MYPOP: variants seen among roughly 807,000 people sequenced by gnomAD.
MYPOP encodes the protein Myb related transcription factor, partner of profilin.
Under a neutral mutation model 25.7 loss-of-function variants are expected in MYPOP, and 21 were observed. The observed-to-expected ratio is 0.82, with a 90% CI of 0.58 to 1.18. The LOEUF (loss-of-function observed/expected upper bound fraction) is 1.18. Among genes scored for constraint, MYPOP ranks in the 50% most tolerant of loss-of-function variants. The pLI is 0.00. For synonymous variants in MYPOP, 280 were observed against 247.9 expected (o/e 1.13, Z -1.22); for missense variants, 566 against 588.3 (o/e 0.96, Z 0.39).
rs1316072804 is a variant in MYPOP at position 45,890,514 on chromosome 19, C to T, written c.*109G>A. 2 of 1,514,702 alleles carry T rather than the reference C, an allele frequency of 1.3e-6. No individual in the cohort carries two copies. Among genetic ancestry groups the T allele is most frequent in the Admixed American group, 2.0e-5 (1 of 50,578 alleles). The allele number at this position is 1,514,702 out of a possible 1,614,324, so 93.8% of individuals were successfully genotyped here. ...TAGCACAGGGAGTGGGTGCTCACAT[C>T]CCTGGAGCAGGGAGCTAGGGTGCAG... On this transcript the variant is annotated 3_prime_UTR_variant, in exon 3 of 3. Transcript: ENST00000322217.
intron 2 of MYPOP, among the ~76,000 whole-genome samples, chr19:45,898,612 C>T (rs541618549): frequency 2.0e-5 from 3 of 152,218 alleles, no homozygotes; most frequent in East Asian, 3.9e-4. Flanking sequence ...CGTGAGCCAC[C>T]GTGCCTGGCC....
intron 2 of MYPOP, among the ~76,000 whole-genome samples, chr19:45,896,407 G>A (rs938251637): frequency 3.9e-5 from 6 of 152,128 alleles, no homozygotes; most frequent in South Asian, 2.1e-4. Context: ...TGAGTAGAGC[G>A]GACAGTGACA....
chr19:45,891,826 A>T (rs1967130941), intron 2 of MYPOP, among the ~76,000 whole-genome samples: 1 of 152,144 alleles, frequency 6.6e-6, no homozygotes, highest in Admixed American at 6.5e-5. Flanking sequence ...GAGGAGAAAA[A>T]GTCCTGCCAG....
chr19:45,899,852 CA>C (rs963166507), intron 2 of MYPOP, among the ~76,000 whole-genome samples: 1 of 151,970 alleles, frequency 6.6e-6, no homozygotes, highest in African/African-American at 2.4e-5. Context: ...AAACAAAAAA[CA>C]AAACAAAAAA....
Position 45,890,692 on chromosome 19 carries a change from GTCGTGCGGAGGGAGC to G in MYPOP, c.1116_1130del (p.Leu373_Asp377del). The stretch of plus-strand genomic sequence containing the variant: ...CTTTTCTCCGCTTGTGTGGGGGGGA[GTCGTGCGGAGGGAGC>G]GGGGCTGGGGGGGGCCGGGGTGCCC... On this transcript the variant is annotated inframe_deletion, in exon 3 of 3. Transcript: ENST00000322217. 6.3e-7 allele frequency: 1 copy of G among 1,585,246 alleles called. No homozygotes were observed. The highest frequency in any genetic ancestry group is 1.1e-5 in the South Asian group (1 of 90,002).
intron 2 of MYPOP, among the ~76,000 whole-genome samples, 177 bp from the exon 3 acceptor site, chr19:45,891,500 A>T (rs1422664033): frequency 6.8e-6 from 1 of 146,216 alleles, no homozygotes. Flanking sequence ...GCAGTGGTGC[A>T]ATCTTGGCTC....
rs1568641431 is a variant in MYPOP at position 45,891,186 on chromosome 19, G to C, written c.637C>G (p.Leu213Val). 6.5e-7 allele frequency: 1 copy of C among 1,527,818 alleles called. No homozygotes were observed. Among genetic ancestry groups the C allele is most frequent in the Non-Finnish European group, 8.8e-7 (1 of 1,142,046 alleles). 94.6% of individuals were successfully genotyped at this position (1,527,818 alleles called of 1,614,324 possible). ...GGTGGAGACAAGGCCAGGCGAGGCA[G>C]CTGGACCGGCTGCAGGGCCGAAGGG... is the stretch of plus-strand genomic sequence containing the variant. ...PPPSALQPVQ[L>V]PRLALSPPPP... The change falls in exon 3 of 3, where the codon CTG becomes GTG. Residue 213 changes from leucine (L) to valine (V), a missense_variant. By Grantham distance (32) the Leu-to-Val change is conservative (BLOSUM62 1). Coordinates refer to ENST00000322217, the MANE Select transcript of MYPOP (RefSeq NM_001012643.4).
At chr19:45,898,788 T>G (rs924936991) in intron 2 of MYPOP, among the ~76,000 whole-genome samples, 1 of 152,142 alleles carries the variant, frequency 6.6e-6, no homozygotes, top group Non-Finnish European at 1.5e-5. Context: ...AGAGAAGCCC[T>G]CCCTGATTAC....
rs371718105 is a variant in MYPOP, at chr19:45,890,576, G to A, written c.*47C>T. ...AGAGAGCATCGCCCCCCTCGACTGC[G>A]CCAAGCTGGGGAGAGGGGTTGCAGG... On this transcript the variant is annotated 3_prime_UTR_variant, in exon 3 of 3. Transcript: ENST00000322217. 48 of 1,600,566 alleles carry A rather than the reference G, an allele frequency of 3.0e-5. No homozygotes were observed. The highest frequency in any genetic ancestry group is 1.7e-4 in the South Asian group (15 of 89,730).
At chr19:45,891,728 G>A (rs1967129495) in intron 2 of MYPOP, among the ~76,000 whole-genome samples, 2 of 151,588 alleles carry the variant, frequency 1.3e-5, no homozygotes, top group African/African-American at 4.9e-5. Context: ...GTGAGCCACC[G>A]CGCCTGGCCC....
At position 45,901,349 on chromosome 19, in the gene MYPOP, G is replaced by T; in HGVS notation, c.425C>A (p.Ser142Ter). ...GAEEPPAAPS[S>*]QPPPPSACPQ... ...GCAGGCGCTTGGGGGCGGCGGCTGTGAAGAGGGGGCCGCAGGGGGCTCCTC... is the reference window on the plus strand; with the variant it reads ...GCAGGCGCTTGGGGGCGGCGGCTGTTAAGAGGGGGCCGCAGGGGGCTCCTC... Residue 142 changes from serine to a stop codon, truncating the protein, a stop_gained, in exon 2 of 3, where the codon TCA becomes TAA. Transcript: ENST00000322217. LOFTEE classifies it high-confidence loss of function. The surrounding 1 kb of genome is among the most constrained non-coding windows in gnomAD (Gnocchi z 5.7). 6.8e-7 allele frequency: 1 copy of T among 1,463,730 alleles called. No individual in the cohort carries two copies. Among genetic ancestry groups the T allele is most frequent in the Non-Finnish European group, 9.0e-7 (1 of 1,109,002 alleles). 90.7% of individuals were successfully genotyped at this position (1,463,730 alleles called of 1,614,324 possible).
In MYPOP at chr19:45,890,405, G is replaced by T; in HGVS notation, c.*218C>A. Reference sequence around the variant, plus strand: ...GGCTTAGAAGTCAGGGTTAAGGGAGGCAGCCAGGCAGACAGCACTGTACCA... The same window carrying T: ...GGCTTAGAAGTCAGGGTTAAGGGAGTCAGCCAGGCAGACAGCACTGTACCA... On this transcript the variant is annotated 3_prime_UTR_variant, in exon 3 of 3. Coordinates refer to ENST00000322217, the MANE Select transcript of MYPOP (RefSeq NM_001012643.4). 1 of 604,146 alleles carries T rather than the reference G, an allele frequency of 1.7e-6. No individual in the cohort carries two copies. Among genetic ancestry groups the T allele is most frequent in the Non-Finnish European group, 2.6e-6 (1 of 377,858 alleles). 37.4% of individuals were successfully genotyped at this position (604,146 alleles called of 1,614,324 possible). A position where few individuals can be genotyped will look rare whatever the true frequency, so the allele number is the denominator to read the frequency against.
chr19:45,897,003 G>A (rs760850899), intron 2 of MYPOP, among the ~76,000 whole-genome samples: 8 of 149,918 alleles, frequency 5.3e-5, no homozygotes, highest in Non-Finnish European at 1.0e-4. Flanking sequence ...TGATCCTCCC[G>A]CCTTGGCCTT....
At chr19:45,895,068 C>T (rs1967183196) in intron 2 of MYPOP, among the ~76,000 whole-genome samples, 1 of 152,092 alleles carries the variant, frequency 6.6e-6, no homozygotes, top group African/African-American at 2.4e-5. Flanking sequence ...TGTTTCTATG[C>T]TCAAACCGTC....
chr19:45,900,105 C>G (rs896095995), intron 2 of MYPOP, among the ~76,000 whole-genome samples: 1 of 152,172 alleles, frequency 6.6e-6, no homozygotes, highest in Admixed American at 6.5e-5. Flanking sequence ...CTTGAACTGT[C>G]TTGTTTGATC....
intron 2 of MYPOP, among the ~76,000 whole-genome samples, chr19:45,898,326 T>G (rs1240915854): frequency 6.7e-6 from 1 of 149,700 alleles, no homozygotes; most frequent in East Asian, 2.0e-4. Context: ...TGGTTCTTTT[T>G]TTTGTTTTTT....
In MYPOP at chr19:45,892,639, C is replaced by T. The variant is rs201026157; in HGVS notation, c.500-1316G>A. 3.3e-5 allele frequency among the ~76,000 whole-genome samples: 5 copies of T among 152,206 alleles called. No individual in the cohort carries two copies. In the East Asian group the frequency reaches 9.7e-4, roughly 29 times the overall value. ...TCAGCCACCCCCATCTCAGCTGATG[C>T]AGCTCCATCCTCCCAGCTGCTCAGG... On this transcript the variant is annotated intron_variant, in intron 2 of 2. Coordinates refer to ENST00000322217, the MANE Select transcript of MYPOP (RefSeq NM_001012643.4).
In MYPOP at chr19:45,891,090, G is replaced by C; in HGVS notation, c.733C>G (p.Pro245Ala). 1.4e-6 allele frequency: 2 copies of C among 1,455,998 alleles called. No individual in the cohort carries two copies. Among genetic ancestry groups the C allele is most frequent in the Non-Finnish European group, 1.8e-6 (2 of 1,095,202 alleles). 90.2% of individuals were successfully genotyped at this position (1,455,998 alleles called of 1,614,324 possible). ...QVAPSPPSPP[P>A]PPRPPPTLSA... Reference sequence around the variant, plus strand: ...AGCGTGGGTGGAGGCCGAGGAGGGGGTGGGGGGCTAGGGGGTGAGGGTGCC... The same window carrying C: ...AGCGTGGGTGGAGGCCGAGGAGGGGCTGGGGGGCTAGGGGGTGAGGGTGCC... The change falls in exon 3 of 3, where the codon CCC (proline) becomes GCC (alanine). Residue 245 changes from proline to alanine, a missense_variant. Coordinates refer to ENST00000322217, the MANE Select transcript of MYPOP (RefSeq NM_001012643.4).
In MYPOP at chr19:45,901,585, G is replaced by A. The variant is rs949325007; in HGVS notation, c.189C>T (p.Ile63=). ...TGCGCTTCCAGCTGGTGATACCGTT[G>A]ATCTTGGCGGCGATGCCGTCCCACA... ...RRVWDGIAAK[I]NGITSWKRTG... The change falls in exon 2 of 3, where the codon ATC becomes ATT. Residue 63 remains isoleucine (I), a synonymous_variant. Transcript: ENST00000322217. This position sits in a 1 kb window ranked among gnomAD's most constrained non-coding sequence, Gnocchi z 5.7. 17 of 1,611,732 alleles carry A rather than the reference G, an allele frequency of 1.1e-5. No homozygotes were observed. Among genetic ancestry groups the A allele is most frequent in the African/African-American group, 2.7e-5 (2 of 74,886 alleles).
Sources: allele counts gnomAD v4.1 joint callset (sites outside exome capture counted in the v4.1 genomes callset), GRCh38; gene constraint gnomAD v4.1.1; non-coding constraint Gnocchi (gnomAD v3.1); transcripts MANE v1.5; gene names NCBI Gene and HGNC (gene_info 2026-07-23, HGNC 2026-07-21).